NCOA3: variants seen among roughly 807,000 people sequenced by gnomAD.
The protein encoded by NCOA3 is nuclear receptor coactivator 3.
NCOA3 carries 51 observed loss-of-function variants against 158.8 expected under a neutral mutation model. That is an observed-to-expected ratio of 0.32 (90% CI 0.26 to 0.41). The LOEUF (loss-of-function observed/expected upper bound fraction) is 0.41, where lower values mean the gene tolerates loss of function less well. Among genes scored for constraint, NCOA3 ranks in the 10% least tolerant of loss-of-function variants. The pLI is 1.00. For missense variants in NCOA3, 1,510 were observed against 1,746.6 expected (o/e 0.86, Z 2.41); for synonymous variants, 537 against 592.4 (o/e 0.91, Z 1.36).
intron 2 of NCOA3, among the ~76,000 whole-genome samples, chr20:47,605,924 T>C (rs184677703): frequency 6.6e-6 from 1 of 152,238 alleles, no homozygotes. Context: ...CTTGTTTATA[T>C]AGGCCTGCAG....
chr20:47,549,560 CAAAAAAA>C (rs763889456), intron 1 of NCOA3, among the ~76,000 whole-genome samples: 1 of 55,140 alleles, frequency 1.8e-5, no homozygotes, highest in African/African-American at 5.5e-5. Context: ...GACTCTGTCT[CAAAAAAA>C]AAAAAAAAAA....
chr20:47,543,511 C>CA (rs1555802377), intron 1 of NCOA3, among the ~76,000 whole-genome samples: 1 of 145,274 alleles, frequency 6.9e-6, no homozygotes, highest in African/African-American at 2.5e-5. Flanking sequence ...TCTTCTTCTT[C>CA]TTTTTTTTTT....
In NCOA3 at chr20:47,654,267, C is replaced by T. The variant is rs1481721352; in HGVS notation, c.*850C>T. ...TTTTTTTTTTAAAGTACTGGTGTCA[C>T]CCTTTGCCTATATGGTAGAGCAATA... On this transcript the variant is annotated 3_prime_UTR_variant, in exon 23 of 23. Coordinates refer to ENST00000371998, the MANE Select transcript of NCOA3 (RefSeq NM_181659.3). 3 of 152,508 alleles carry T rather than the reference C, an allele frequency of 2.0e-5. No individual in the cohort carries two copies. Among genetic ancestry groups the T allele is most frequent in the African/African-American group, 4.8e-5 (2 of 41,410 alleles). 9.4% of individuals were successfully genotyped at this position (152,508 alleles called of 1,614,324 possible). A position where few individuals can be genotyped will look rare whatever the true frequency, so the allele number is the denominator to read the frequency against.
At chr20:47,621,979 A>T (rs1042219696) in intron 2 of NCOA3, among the ~76,000 whole-genome samples, 4 of 152,070 alleles carry the variant, frequency 2.6e-5, no homozygotes, top group Admixed American at 2.6e-4. Flanking sequence ...ACCCTGCAAG[A>T]TACACATTTT....
At chr20:47,604,387 C>G (rs770264341) in intron 2 of NCOA3, among the ~76,000 whole-genome samples, 3 of 152,124 alleles carry the variant, frequency 2.0e-5, no homozygotes, top group Non-Finnish European at 4.4e-5. Context: ...TCGTTGTTTT[C>G]TTGTTCACTA....
At chr20:47,646,896 G>T (rs1190829073) in intron 17 of NCOA3, among the ~76,000 whole-genome samples, 177 bp from the exon 18 acceptor site, 1 of 152,206 alleles carries the variant, frequency 6.6e-6, no homozygotes. Flanking sequence ...TCTGTCACCT[G>T]TGGGATGTTA....
At chr20:47,600,384 C>T (rs2146258779) in intron 2 of NCOA3, among the ~76,000 whole-genome samples, 1 of 151,948 alleles carries the variant, frequency 6.6e-6, no homozygotes, top group East Asian at 1.9e-4. Flanking sequence ...TCATGTTGGC[C>T]AGACTGGTCT....
intron 1 of NCOA3, among the ~76,000 whole-genome samples, chr20:47,563,474 GAAATC>G (rs2085140049): frequency 1.3e-5 from 2 of 151,990 alleles, no homozygotes; most frequent in South Asian, 4.1e-4. Context: ...ACTGCTCTAA[GAAATC>G]AAAAAGGGAA....
chr20:47,582,029 T>C (rs2085462192), intron 1 of NCOA3, among the ~76,000 whole-genome samples: 1 of 152,152 alleles, frequency 6.6e-6, no homozygotes, highest in South Asian at 2.1e-4. Context: ...TTATTCTCTG[T>C]TGAGCACTGA....
chr20:47,559,339 T>A (rs1267934525), intron 1 of NCOA3, among the ~76,000 whole-genome samples: 2 of 152,172 alleles, frequency 1.3e-5, no homozygotes, highest in African/African-American at 4.8e-5. Context: ...GGCCTTCTTA[T>A]ACAACCAAAA....
intron 1 of NCOA3, among the ~76,000 whole-genome samples, chr20:47,506,407 T>G (rs2084032530): frequency 6.6e-6 from 1 of 152,150 alleles, no homozygotes; most frequent in Non-Finnish European, 1.5e-5. Flanking sequence ...AGTTTTTAAA[T>G]GAACAGGAAA....
At chr20:47,626,641 A>G (rs1246797237) in intron 5 of NCOA3, among the ~76,000 whole-genome samples, 2 of 152,220 alleles carry the variant, frequency 1.3e-5, no homozygotes, top group Non-Finnish European at 1.5e-5. Context: ...TGATACTACC[A>G]TAACAAAATA....
chr20:47,522,406 C>CTTTT (rs3091963), intron 1 of NCOA3, among the ~76,000 whole-genome samples: 5 of 128,142 alleles, frequency 3.9e-5, no homozygotes, highest in South Asian at 2.5e-4. Flanking sequence ...GCGCCCGGCC[C>CTTTT]TTTTTTTTTT....
chr20:47,564,855 GTCTTT>G, intron 1 of NCOA3, among the ~76,000 whole-genome samples: 1 of 152,140 alleles, frequency 6.6e-6, no homozygotes, highest in East Asian at 1.9e-4. Flanking sequence ...TTAGTAGATT[GTCTTT>G]TCTTGTCTGT....
chr20:47,580,512 T>C (rs1156962400), intron 1 of NCOA3, among the ~76,000 whole-genome samples: 1 of 152,006 alleles, frequency 6.6e-6, no homozygotes, highest in South Asian at 2.1e-4. Flanking sequence ...GCCGAGATCA[T>C]GCCCCACTGC....
chr20:47,552,189 GTTATAC>G (rs1157276421), intron 1 of NCOA3, among the ~76,000 whole-genome samples: 5 of 152,174 alleles, frequency 3.3e-5, no homozygotes, highest in African/African-American at 4.8e-5. Flanking sequence ...ATCTAGCAAA[GTTATAC>G]TTATAAACAG....
intron 2 of NCOA3, among the ~76,000 whole-genome samples, chr20:47,606,738 T>G (rs1219096561): frequency 2.6e-5 from 4 of 152,224 alleles, no homozygotes; most frequent in Non-Finnish European, 5.9e-5. Context: ...AACACCATTT[T>G]TACTTGGATG....
chr20:47,580,537 A>G (rs1174021131), intron 1 of NCOA3, among the ~76,000 whole-genome samples: 1 of 152,074 alleles, frequency 6.6e-6, no homozygotes, highest in Non-Finnish European at 1.5e-5. Context: ...TAGCCTGTGC[A>G]ACAGAGTGAA....
chr20:47,555,456 T>G (rs980094383), intron 1 of NCOA3, among the ~76,000 whole-genome samples: 6 of 152,150 alleles, frequency 3.9e-5, no homozygotes, highest in African/African-American at 1.4e-4. Flanking sequence ...GTATTTCCAT[T>G]TCTGTTGTGA....
Sources: gnomAD v4.1 joint callset for allele counts (sites outside exome capture counted in the v4.1 genomes callset) on GRCh38, gnomAD v4.1.1 for gene constraint, MANE v1.5 for transcripts, NCBI Gene and HGNC (gene_info 2026-07-23, HGNC 2026-07-21) for gene names.